Variants in USP54 observed in about 807,000 individuals in gnomAD.
The protein encoded by USP54 is ubiquitin carboxyl-terminal hydrolase 54.
Under a neutral mutation model 170.5 loss-of-function variants are expected in USP54, and 87 were observed. That is an observed-to-expected ratio of 0.51 (90% CI 0.43 to 0.61). The LOEUF (loss-of-function observed/expected upper bound fraction) is 0.61. Among genes scored for constraint, USP54 ranks in the 20% least tolerant of loss-of-function variants. The pLI is 0.00. For missense variants in USP54, 1,786 were observed against 2,047.8 expected (o/e 0.87, Z 2.47); for synonymous variants, 655 against 742.8 (o/e 0.88, Z 1.92).
intron 22 of USP54, among the ~76,000 whole-genome samples, chr10:73,501,806 T>A (rs550718606): frequency 2.0e-5 from 3 of 152,256 alleles, no homozygotes; most frequent in Non-Finnish European, 4.4e-5. Flanking sequence ...TCTTTATACT[T>A]CCTGTTTCTG....
chr10:73,541,774 G>C, intron 7 of USP54, 36 bp from the exon 8 acceptor site: 1 of 1,591,500 alleles, frequency 6.3e-7, no homozygotes, highest in Non-Finnish European at 8.6e-7. Flanking sequence ...ATGATGGTTT[G>C]TATTTAGTTA....
intron 20 of USP54, among the ~76,000 whole-genome samples, chr10:73,507,669 CAAAAAAAA>C (rs913305815): frequency 1.8e-4 from 4 of 22,470 alleles, no homozygotes; most frequent in Admixed American, 5.6e-4. Flanking sequence ...GACTCCGTCG[CAAAAAAAA>C]AAAAAAAAAA....
intron 4 of USP54, among the ~76,000 whole-genome samples, chr10:73,549,723 T>C (rs981736661): frequency 2.0e-5 from 3 of 152,198 alleles, no homozygotes; most frequent in Non-Finnish European, 2.9e-5. Context: ...CACTGGATAA[T>C]TGCAAGTTTC....
At chr10:73,501,947 C>A (rs990415999) in intron 22 of USP54, among the ~76,000 whole-genome samples, 1 of 152,160 alleles carries the variant, frequency 6.6e-6, no homozygotes, top group African/African-American at 2.4e-5. Flanking sequence ...ACCACTATTA[C>A]CTCTTTACTC....
chr10:73,595,835 C>A (rs961101713), upstream of USP54, among the ~76,000 whole-genome samples: 2 of 152,116 alleles, frequency 1.3e-5, no homozygotes, highest in African/African-American at 4.8e-5. Flanking sequence ...ATCAGCCGGG[C>A]GCGGTGGCTC....
chr10:73,516,708 C>G lies in USP54; in HGVS notation c.3718G>C (p.Val1240Leu), dbSNP rs1285833590. The G allele has an allele frequency of 1.2e-6, 2 of 1,614,080 alleles. No individual in the cohort carries two copies. The highest frequency in any genetic ancestry group is 1.7e-6 in the Non-Finnish European group (2 of 1,180,060). ...PDIYQEKLSQ[V>L]RDVRSKDLGS... ...AGATCCTTAGACCTAACATCTCTCA[C>G]TTGGGACAGCTTCTCTTGGTATATG... The change falls in exon 20 of 24, where the codon GTG (valine) becomes CTG (leucine). Residue 1240 changes from valine (V) to leucine (L), a missense_variant. By Grantham distance (32) the Val-to-Leu change is conservative. Transcript: ENST00000687698.
intron 12 of USP54, among the ~76,000 whole-genome samples, chr10:73,534,353 C>G (rs1344770545): frequency 6.6e-6 from 1 of 152,036 alleles, no homozygotes; most frequent in Non-Finnish European, 1.5e-5. Context: ...ACTACAGGTG[C>G]CTGCCACCAT....
Position 73,542,896 on chromosome 10 carries a change from G to C in USP54, c.490-11C>G. On this transcript the variant is annotated splice_polypyrimidine_tract_variant and intron_variant, in intron 6 of 23. Transcript: ENST00000687698. ...GCTAGTACATACACACTGGGCAAAA[G>C]AGAAAAAGGCAAAACCAAGCAACCA... 6.2e-7 allele frequency: 1 copy of C among 1,614,074 alleles called. No homozygotes were observed. The highest frequency in any genetic ancestry group is 1.3e-5 in the African/African-American group (1 of 75,032).
chr10:73,615,395 G>A (rs2080537017), intron 1 of USP54, among the ~76,000 whole-genome samples: 1 of 150,124 alleles, frequency 6.7e-6, no homozygotes, highest in Non-Finnish European at 1.5e-5. Context: ...GAAAGAATGA[G>A]TAAGAGGGAA....
rs562688477 is a variant in USP54 at position 73,539,194 on chromosome 10, A to G, written c.975+250T>C. On this transcript the variant is annotated intron_variant, in intron 10 of 23. Transcript: ENST00000687698. ...CTCAGGAGGCTGAGGTGGGAGAATC[A>G]CTTGAACCCAGGAGGCAGAGATTGC... Among the ~76,000 whole-genome samples, 269 of 150,558 alleles carry G rather than the reference A, an allele frequency of 1.8e-3. 1 individual carries two copies. Among genetic ancestry groups the G allele is most frequent in the African/African-American group, 5.8e-3 (236 of 40,952 alleles).
At chr10:73,625,079 G>A (rs1313029019) in intron 1 of USP54, among the ~76,000 whole-genome samples, 1 of 152,074 alleles carries the variant, frequency 6.6e-6, no homozygotes, top group Non-Finnish European at 1.5e-5. Flanking sequence ...TATTTCATAA[G>A]CACACCGTAA....
intron 1 of USP54, among the ~76,000 whole-genome samples, chr10:73,617,404 TGAG>T (rs1169034905): frequency 6.7e-6 from 1 of 149,386 alleles, no homozygotes; most frequent in Non-Finnish European, 1.5e-5. Context: ...TGCAGTGGGC[TGAG>T]ATCATGCCAT....
chr10:73,558,791 G>T (rs1186300489), intron 4 of USP54, among the ~76,000 whole-genome samples: 2 of 152,130 alleles, frequency 1.3e-5, no homozygotes, highest in Non-Finnish European at 2.9e-5. Context: ...TTGTAAATTT[G>T]TGTATAACTT....
In USP54 at chr10:73,580,222, G is replaced by A. The variant is rs550789331; in HGVS notation, c.-581-3861C>T. Among the ~76,000 whole-genome samples, 134 of 151,602 alleles carry A rather than the reference G, an allele frequency of 8.8e-4. 1 individual carries two copies. The highest frequency in any genetic ancestry group is 3.4e-3 in the Middle Eastern group (1 of 290). ...AATCCCAGCTCCTAGGGGGCATTGA[G>A]GCAGGAGAATTGCTTGAAACCAGGA... is the stretch of plus-strand genomic sequence containing the variant. On this transcript the variant is annotated intron_variant, in intron 1 of 23. Coordinates refer to ENST00000687698, the MANE Select transcript of USP54 (RefSeq NM_001391956.1).
At position 73,527,663 on chromosome 10, in the gene USP54, A is replaced by G. The variant is rs552644515; in HGVS notation, c.2061-883T>C. On this transcript the variant is annotated intron_variant, in intron 15 of 23. Transcript: ENST00000687698. Reference sequence around the variant, plus strand: ...TTATTATGAATATTATTAGCATTATAAAACACAAAGTCCCAGTGACCCTAA... The same window carrying G: ...TTATTATGAATATTATTAGCATTATGAAACACAAAGTCCCAGTGACCCTAA... Among the ~76,000 whole-genome samples the G allele has an allele frequency of 3.3e-5, 5 of 151,836 alleles. No individual in the cohort carries two copies. In the East Asian group the frequency reaches 9.7e-4, roughly 29 times the overall value.
intron 1 of USP54, among the ~76,000 whole-genome samples, chr10:73,623,107 G>C (rs1206757056): frequency 3.9e-5 from 6 of 152,214 alleles, no homozygotes; most frequent in Admixed American, 3.3e-4. Flanking sequence ...GCTGGGCATG[G>C]TGGCTCAAGC....
At chr10:73,600,689 G>T (rs747691852) in intron 1 of USP54, among the ~76,000 whole-genome samples, 4 of 152,104 alleles carry the variant, frequency 2.6e-5, no homozygotes, top group African/African-American at 4.8e-5. Flanking sequence ...TGAGGCAGGC[G>T]GATCACCTGA....
intron 1 of USP54, among the ~76,000 whole-genome samples, chr10:73,589,293 C>T (rs2077931095): frequency 6.6e-6 from 1 of 152,172 alleles, no homozygotes; most frequent in African/African-American, 2.4e-5. Flanking sequence ...CTAAATCATA[C>T]CTTGCGCTTC....
intron 11 of USP54, 115 bp from the exon 12 acceptor site, chr10:73,534,885 G>T: frequency 1.1e-6 from 1 of 926,080 alleles, no homozygotes; most frequent in Non-Finnish European, 1.6e-6. Context: ...CTAGACACAA[G>T]TGTGAGAAGG....
Sources: gnomAD v4.1 joint callset for allele counts (sites outside exome capture counted in the v4.1 genomes callset) on GRCh38, gnomAD v4.1.1 for gene constraint, MANE v1.5 for transcripts, NCBI Gene and HGNC (gene_info 2026-07-23, HGNC 2026-07-21) for gene names.